The following C2 variants were observed in gnomAD, a reference collection of about 807,000 sequenced individuals.
C2 encodes the protein C3/C5 convertase.
Under a neutral mutation model 85.2 loss-of-function variants are expected in C2, and 64 were observed. The ratio of observed to expected loss-of-function variants is 0.75; its 90% confidence interval spans 0.61 to 0.92. The LOEUF (loss-of-function observed/expected upper bound fraction) is 0.92. Among genes scored for constraint, C2 ranks in the 40% least tolerant of loss-of-function variants. The pLI, the probability that C2 is intolerant of heterozygous loss-of-function variation, is 0.00. For missense variants in C2, 820 were observed against 971.6 expected (o/e 0.84, Z 2.07); for synonymous variants, 311 against 370.8 (o/e 0.84, Z 1.85).
intron 1 of C2, among the ~76,000 whole-genome samples, chr6:31,903,595 A>T (rs1256177950): frequency 6.6e-6 from 1 of 152,070 alleles, no homozygotes; most frequent in Non-Finnish European, 1.5e-5. Context: ...GCGCCATTGC[A>T]CTCCAGCCTG....
Position 31,944,923 on chromosome 6 carries a change from C to T in C2, c.2030-57C>T. On this transcript the variant is annotated intron_variant, in intron 16 of 17. Transcript: ENST00000299367. This position sits in a 1 kb window ranked among gnomAD's most constrained non-coding sequence, Gnocchi z 5.1. ...GTGTCTCTGTGGCCAGCATGCATGC[C>T]AGAACACCAGTCCACTGCCCTAGAT... 2 of 1,612,748 alleles carry T rather than the reference C, an allele frequency of 1.2e-6. No homozygotes were observed. Among genetic ancestry groups the T allele is most frequent in the Non-Finnish European group, 1.7e-6 (2 of 1,179,718 alleles).
In C2 at chr6:31,944,073, A is replaced by G; in HGVS notation, c.1811-62A>G. 6.3e-7 allele frequency: 1 copy of G among 1,593,448 alleles called. No individual in the cohort carries two copies. The highest frequency in any genetic ancestry group is 1.1e-5 in the South Asian group (1 of 90,696). ...AACAAGGACTAGGCTGCAGTCCCCA[A>G]GCCAGGAACCTGGATTCTGGGTAAA... is the stretch of plus-strand genomic sequence containing the variant. On this transcript the variant is annotated intron_variant, in intron 14 of 17. Coordinates refer to ENST00000299367, the MANE Select transcript of C2 (RefSeq NM_000063.6). This position sits in a 1 kb window ranked among gnomAD's most constrained non-coding sequence, Gnocchi z 5.1.
chr6:31,935,070 A>G lies in C2; in HGVS notation c.849+771A>G. ...TATGTGTGATAGAAGTTTGGAAGCC[A>G]CTGGTTTAAGTTCCTCGCCAGAACT... is the stretch of plus-strand genomic sequence containing the variant. On this transcript the variant is annotated intron_variant, in intron 6 of 17. Transcript: ENST00000299367. This position sits in a 1 kb window ranked among gnomAD's most constrained non-coding sequence, Gnocchi z 4.3. 3 of 972,798 alleles carry G rather than the reference A, an allele frequency of 3.1e-6. No homozygotes were observed. The highest frequency in any genetic ancestry group is 3.7e-6 in the Non-Finnish European group (3 of 818,442). 60.3% of individuals were successfully genotyped at this position (972,798 alleles called of 1,614,324 possible). A position where few individuals can be genotyped will look rare whatever the true frequency, so the allele number is the denominator to read the frequency against.
Position 31,934,207 on chromosome 6 carries a change from C to CT in C2, c.758dup (p.Asn254GlufsTer16). 6.2e-7 allele frequency: 1 copy of CT among 1,614,216 alleles called. No homozygotes were observed. The highest frequency in any genetic ancestry group is 8.5e-7 in the Non-Finnish European group (1 of 1,180,036). The stretch of plus-strand genomic sequence containing the variant: ...AATCCAAATCCAGCGCTCTGGTCAT[C>CT]TGAACCTCTACCTGCTCCTGGACTG... On this transcript the variant is annotated frameshift_variant, in exon 6 of 18. Coordinates refer to ENST00000299367, the MANE Select transcript of C2 (RefSeq NM_000063.6). LOFTEE classifies it high-confidence loss of function.
chr6:31,901,186 G>C, intron 1 of C2: 3 of 1,613,594 alleles, frequency 1.9e-6, no homozygotes, highest in Non-Finnish European at 2.5e-6. Context: ...ACTTGAGGCT[G>C]TCGGCCACAA....
chr6:31,944,187 T>G lies in C2; in HGVS notation c.1863T>G (p.Asn621Lys). The G allele has an allele frequency of 6.2e-7, 1 of 1,612,800 alleles. No individual in the cohort carries two copies. The highest frequency in any genetic ancestry group is 1.7e-5 in the Admixed American group (1 of 60,008). The change falls in exon 15 of 18, where the codon AAT becomes AAG. Residue 621 changes from asparagine (N) to lysine (K), a missense_variant. Asn to Lys is a moderately conservative substitution (Grantham distance 94). Transcript: ENST00000299367. The surrounding 1 kb of genome is among the most constrained non-coding windows in gnomAD (Gnocchi z 5.1). ...TTCCTGCTCATTTTGTCGCCTTGAA[T>G]GGGAGCAAACTGAACATTAACCTTA... is the stretch of plus-strand genomic sequence containing the variant. Reference protein sequence around the residue: ...QSVPAHFVALNGSKLNINLKM... With the variant: ...QSVPAHFVALKGSKLNINLKM...
At position 31,920,955 on chromosome 6, in the gene C2, G is replaced by A. The variant is rs769545006; in HGVS notation, c.-100+929G>A. On this transcript the variant is annotated intron_variant, in intron 1 of 3. Coordinates refer to the C2 transcript ENST00000413154. This position sits in a 1 kb window ranked among gnomAD's most constrained non-coding sequence, Gnocchi z 5.6. ...CAGGGCCCTGGAAGAGCCTGGGCAT[G>A]GGGAGGAGCCCCATGGGGCAGGGCA... Among the ~76,000 whole-genome samples, 1 of 152,200 alleles carries A rather than the reference G, an allele frequency of 6.6e-6. No individual in the cohort carries two copies. Among genetic ancestry groups the A allele is most frequent in the Non-Finnish European group, 1.5e-5 (1 of 68,030 alleles).
chr6:31,923,711 G>A (rs1423095225), upstream of C2, among the ~76,000 whole-genome samples: 3 of 151,070 alleles, frequency 2.0e-5, no homozygotes, highest in Admixed American at 1.3e-4. Flanking sequence ...GGATGGTCTC[G>A]ATCTCCTGAC....
chr6:31,907,974 G>A (rs1223520759), intron 1 of C2, among the ~76,000 whole-genome samples: 1 of 151,146 alleles, frequency 6.6e-6, no homozygotes, highest in Non-Finnish European at 1.5e-5. Context: ...AGCCTCCTGA[G>A]TAGCTAGGAT....
At chr6:31,933,835 C>T (rs778818261) in intron 4 of C2, 32 bp from the exon 5 acceptor site, 1 of 1,613,370 alleles carries the variant, frequency 6.2e-7, no homozygotes, top group Non-Finnish European at 8.5e-7. Flanking sequence ...CGGCCACTGC[C>T]CCGGCTGACT....
chr6:31,916,747 GC>G (rs202228185), upstream of C2, among the ~76,000 whole-genome samples: 1 of 72,400 alleles, frequency 1.4e-5, no homozygotes, highest in African/African-American at 6.8e-5. Context: ...TTAGTTCTCT[GC>G]CCTTTTTTTT....
upstream of C2, chr6:31,897,925 G>C: frequency 9.5e-7 from 1 of 1,055,642 alleles, no homozygotes; most frequent in Non-Finnish European, 1.1e-6. Context: ...TGGCGTCTCT[G>C]TCCCCATCTG....
intron 3 of C2, among the ~76,000 whole-genome samples, chr6:31,931,994 A>AC (rs1554279237): frequency 2.6e-5 from 3 of 117,092 alleles, no homozygotes; most frequent in East Asian, 5.6e-4. Context: ...CGGGGGGCTG[A>AC]CCCCCCCACC....
At chr6:31,903,139 A>G (rs1254150414) in intron 1 of C2, among the ~76,000 whole-genome samples, 1 of 151,982 alleles carries the variant, frequency 6.6e-6, no homozygotes, top group African/African-American at 2.4e-5. Context: ...TTCCCCACCT[A>G]TCCAAGTCCG....
At chr6:31,905,005 G>T (rs759132112) in intron 1 of C2, among the ~76,000 whole-genome samples, 1 of 152,084 alleles carries the variant, frequency 6.6e-6, no homozygotes, top group African/African-American at 2.4e-5. Flanking sequence ...CATCCAGGGG[G>T]TTTACAATCA....
At chr6:31,940,168 G>A (rs1459981662) in intron 9 of C2, among the ~76,000 whole-genome samples, 1 of 152,218 alleles carries the variant, frequency 6.6e-6, no homozygotes, top group Non-Finnish European at 1.5e-5. Flanking sequence ...GCCATGGGCA[G>A]TTTCTTCATC....
At chr6:31,913,329 A>G (rs941459748) in intron 1 of C2, among the ~76,000 whole-genome samples, 2 of 152,322 alleles carry the variant, frequency 1.3e-5, no homozygotes, top group Non-Finnish European at 2.9e-5. Flanking sequence ...TAATTGGAGC[A>G]CTTTGGGAGG....
At chr6:31,927,707 T>C (rs772883092), upstream of C2, 1 of 1,612,738 alleles carries the variant, frequency 6.2e-7, no homozygotes, top group Non-Finnish European at 8.5e-7. This position sits in a 1 kb window ranked among gnomAD's most constrained non-coding sequence, Gnocchi z 4.7. Flanking sequence ...GATGACCTTT[T>C]CCCTCCCGCG....
At chr6:31,938,657 AATTTTT>A (rs1288436307) in intron 8 of C2, among the ~76,000 whole-genome samples, 2 of 150,624 alleles carry the variant, frequency 1.3e-5, no homozygotes, top group Non-Finnish European at 3.0e-5. Flanking sequence ...ATGCCTGGCT[AATTTTT>A]ATTTTTATTT....
Sources: gnomAD v4.1 joint callset for allele counts (sites outside exome capture counted in the v4.1 genomes callset) on GRCh38, gnomAD v4.1.1 for gene constraint, Gnocchi (gnomAD v3.1) non-coding constraint, MANE v1.5 for transcripts, NCBI Gene and HGNC (gene_info 2026-07-23, HGNC 2026-07-21) for gene names.